PIGX: variants seen among roughly 807,000 people sequenced by gnomAD.
PIGX encodes GPI alpha-1,4-mannosyltransferase I, stabilizing subunit.
In PIGX, 24 loss-of-function variants were observed where a neutral mutation model predicts 28.7. The observed-to-expected ratio is 0.84, with a 90% confidence interval of 0.60 to 1.17. The LOEUF is 1.17. Ranked by LOEUF, PIGX falls within the 50% of genes most tolerant of loss-of-function variation. The probability of loss-of-function intolerance (pLI) is 0.00; values close to 1 mark genes in which losing one functional copy is unlikely to be tolerated. For synonymous variants in PIGX, 127 were observed against 121.0 expected (o/e 1.05, Z -0.33); for missense variants, 305 against 317.8 (o/e 0.96, Z 0.31).
chr3:196,712,979 C>T, intron 1 of PIGX: 1 of 997,954 alleles, frequency 1.0e-6, no homozygotes, highest in Non-Finnish European at 1.2e-6. Context: ...AGGGGCCAGG[C>T]AAGGCCTTAG....
intron 3 of PIGX, chr3:196,726,833 G>A (rs572356916): frequency 6.8e-6 from 2 of 292,190 alleles, no homozygotes; most frequent in Non-Finnish European, 1.4e-5. Flanking sequence ...GATAGATCGA[G>A]ATGACTTATA....
chr3:196,732,545 G>A (rs888910238), intron 5 of PIGX, among the ~76,000 whole-genome samples: 1 of 151,728 alleles, frequency 6.6e-6, no homozygotes, highest in African/African-American at 2.4e-5. Flanking sequence ...CTCCCAAAGT[G>A]CTGGGATTAC....
At chr3:196,728,200 C>T (rs1255813198) in intron 4 of PIGX, 64 bp downstream of exon 4, 1 of 1,343,136 alleles carries the variant, frequency 7.4e-7, no homozygotes, top group Non-Finnish European at 1.1e-6. Flanking sequence ...GGCAAGTCCT[C>T]CTTCTGCTAG....
chr3:196,714,265 AC>A (rs1711990181), intron 1 of PIGX, among the ~76,000 whole-genome samples: 1 of 152,108 alleles, frequency 6.6e-6, no homozygotes, highest in Non-Finnish European at 1.5e-5. Flanking sequence ...AGAGTTCAAG[AC>A]CAGCCTGGAA....
Position 196,731,073 on chromosome 3 carries a change from A to G in PIGX, c.614A>G (p.Asn205Ser). 1 of 1,592,302 alleles carries G rather than the reference A, an allele frequency of 6.3e-7. No homozygotes were observed. Among genetic ancestry groups the G allele is most frequent in the Non-Finnish European group, 8.6e-7 (1 of 1,160,324 alleles). Residue 205 changes from asparagine (N) to serine (S), a missense_variant, in exon 5 of 6, where the codon AAC becomes AGC. Asn to Ser is a conservative substitution (Grantham distance 46, BLOSUM62 1). Coordinates refer to ENST00000392391, the MANE Select transcript of PIGX (RefSeq NM_017861.4). ...GAGAATGAGGATATCTGCCAATGGA[A>G]CAAGATGAAGTATAAATCAGTAAGC...
chr3:196,731,043 C>T lies in PIGX; in HGVS notation c.584C>T (p.Ala195Val). 6.2e-7 allele frequency: 1 copy of T among 1,611,506 alleles called. No individual in the cohort carries two copies. The highest frequency in any genetic ancestry group is 1.1e-5 in the South Asian group (1 of 91,030). The change falls in exon 5 of 6, where the codon GCT becomes GTT. Residue 195 changes from alanine to valine, a missense_variant. Physicochemically the swap from Ala to Val is moderately conservative, Grantham distance 64. Transcript: ENST00000392391. ...CACTCAGAAGTGGCAGCCCCTTGTG[C>T]TTTGGAGAATGAGGATATCTGCCAA...
At chr3:196,729,063 G>A (rs577781843) in intron 4 of PIGX, among the ~76,000 whole-genome samples, 1 of 152,186 alleles carries the variant, frequency 6.6e-6, no homozygotes, top group South Asian at 2.1e-4. Flanking sequence ...GCCGGGCGAG[G>A]TGGCTCACGC....
chr3:196,732,245 TATATATA>T lies in PIGX; in HGVS notation c.633+1154_633+1160del, dbSNP rs1348581892. ...ATATATATATATATATATATATATATATATATATATATTTTATTTTATTTTATTTTTT... is the reference window on the plus strand; with the variant it reads ...ATATATATATATATATATATATATATTATATTTTATTTTATTTTATTTTTT... On this transcript the variant is annotated intron_variant, in intron 5 of 5. Transcript: ENST00000392391. 5.8e-4 allele frequency among the ~76,000 whole-genome samples: 24 copies of T among 41,028 alleles called. 2 individuals are homozygous for T. Among genetic ancestry groups the T allele is most frequent in the African/African-American group, 1.6e-3 (13 of 8,364 alleles). The allele number at this position is 41,028 out of a possible 152,430, so 26.9% of individuals were successfully genotyped here.
rs991186926 is a variant in PIGX at position 196,712,961 on chromosome 3, G to C, written c.112+317G>C. On this transcript the variant is annotated intron_variant, in intron 1 of 5. Coordinates refer to ENST00000392391, the MANE Select transcript of PIGX (RefSeq NM_017861.4). ...TGCTCTTGAGCTGCACGAAGCTTCTGATCACCAAGGGGCCAGGCAAGGCCT... is the reference window on the plus strand; with the variant it reads ...TGCTCTTGAGCTGCACGAAGCTTCTCATCACCAAGGGGCCAGGCAAGGCCT... 6 of 1,003,706 alleles carry C rather than the reference G, an allele frequency of 6.0e-6. No individual in the cohort carries two copies. In the African/African-American group the frequency reaches 1.0e-4, roughly 17 times the overall value. 62.2% of individuals were successfully genotyped at this position (1,003,706 alleles called of 1,614,324 possible).
At chr3:196,728,556 G>A (rs1479701488) in intron 4 of PIGX, 6 of 642,056 alleles carry the variant, frequency 9.3e-6, no homozygotes, top group East Asian at 5.3e-5. Context: ...GTCTCTTAAT[G>A]TACAGGTTTC....
At position 196,733,384 on chromosome 3, in the gene PIGX, A is replaced by G. The variant is rs1327354313; in HGVS notation, c.634-375A>G. Reference sequence around the variant, plus strand: ...AAAGAAATAGTGGTCTCACCTTATGACATTTATTTTATTTTACTATTTTTA... The same window carrying G: ...AAAGAAATAGTGGTCTCACCTTATGGCATTTATTTTATTTTACTATTTTTA... On this transcript the variant is annotated intron_variant, in intron 5 of 5. Transcript: ENST00000392391. The surrounding 1 kb of genome is among the most constrained non-coding windows in gnomAD (Gnocchi z 4.3). Among the ~76,000 whole-genome samples, 1 of 152,080 alleles carries G rather than the reference A, an allele frequency of 6.6e-6. No homozygotes were observed. Among genetic ancestry groups the G allele is most frequent in the Non-Finnish European group, 1.5e-5 (1 of 68,014 alleles).
At chr3:196,726,143 T>C (rs1374308122) in intron 3 of PIGX, among the ~76,000 whole-genome samples, 1 of 152,002 alleles carries the variant, frequency 6.6e-6, no homozygotes, top group East Asian at 1.9e-4. Context: ...TACAAAAAAT[T>C]AGCCAGGCAT....
intron 1 of PIGX, chr3:196,713,001 G>T: frequency 1.0e-6 from 1 of 992,290 alleles, no homozygotes; most frequent in Non-Finnish European, 1.2e-6. Context: ...GCCCTGTGAG[G>T]CCTGAGAATC....
intron 3 of PIGX, among the ~76,000 whole-genome samples, chr3:196,723,694 G>C (rs912037576): frequency 6.6e-6 from 1 of 151,416 alleles, no homozygotes; most frequent in African/African-American, 2.4e-5. Flanking sequence ...AGAAATTTTG[G>C]GAGACACTGT....
chr3:196,735,294 C>CAAAAAAAAAAA lies in PIGX; in HGVS notation c.*1412_*1422dup, dbSNP rs60317348. Reference sequence around the variant, plus strand: ...TGGGCGACAGAGTGAGACTCTGTCTCAAAAAAAAAAAAAAAAAAAAAAAAA... The same window carrying CAAAAAAAAAAA: ...TGGGCGACAGAGTGAGACTCTGTCTCAAAAAAAAAAAAAAAAAAAAAAAAAAAAAAAAAAAA... On this transcript the variant is annotated 3_prime_UTR_variant, in exon 6 of 6. Coordinates refer to ENST00000392391, the MANE Select transcript of PIGX (RefSeq NM_017861.4). 5 of 45,234 alleles carry CAAAAAAAAAAA rather than the reference C, an allele frequency of 1.1e-4. No individual in the cohort carries two copies. The highest frequency in any genetic ancestry group is 2.5e-4 in the African/African-American group (3 of 12,008). The allele number at this position is 45,234 out of a possible 1,614,324, so 2.8% of individuals were successfully genotyped here.
intron 1 of PIGX, among the ~76,000 whole-genome samples, chr3:196,714,526 A>G (rs1712006793): frequency 6.6e-6 from 1 of 151,000 alleles, no homozygotes; most frequent in Non-Finnish European, 1.5e-5. Context: ...CAGTGGCGCA[A>G]TCTCGGCTTA....
At chr3:196,717,606 C>T (rs763007957) in intron 2 of PIGX, among the ~76,000 whole-genome samples, 8 of 152,206 alleles carry the variant, frequency 5.3e-5, no homozygotes, top group South Asian at 2.1e-4. Flanking sequence ...CCTATATATA[C>T]AATATTCCAT....
rs1712592204 is a variant in PIGX at position 196,727,954 on chromosome 3, AG to A, written c.352del (p.Ala118ProfsTer55). The A allele has an allele frequency of 6.2e-7, 1 of 1,612,136 alleles. No individual in the cohort carries two copies. The highest frequency in any genetic ancestry group is 1.3e-5 in the African/African-American group (1 of 74,990). On this transcript the variant is annotated frameshift_variant, in exon 4 of 6. Transcript: ENST00000392391. LOFTEE classifies it high-confidence loss of function. ...ATGGTTTCAGAAAATTTTGATATAGAGGCCCCTAACTATTTGTCCAAGGAGT... is the reference window on the plus strand; with the variant it reads ...ATGGTTTCAGAAAATTTTGATATAGAGCCCCTAACTATTTGTCCAAGGAGT...
chr3:196,731,120 A>G, intron 5 of PIGX, 28 bp downstream of exon 5: 1 of 1,193,564 alleles, frequency 8.4e-7, no homozygotes, highest in Non-Finnish European at 1.2e-6. Context: ...GTTGTTTTTT[A>G]GATCATGTGC....
Sources: gnomAD v4.1 joint callset for allele counts (sites outside exome capture counted in the v4.1 genomes callset) on GRCh38, gnomAD v4.1.1 for gene constraint, Gnocchi (gnomAD v3.1) non-coding constraint, MANE v1.5 for transcripts, NCBI Gene and HGNC (gene_info 2026-07-23, HGNC 2026-07-21) for gene names.